The following MED13L variants were observed in gnomAD, a reference collection of about 807,000 sequenced individuals.
MED13L encodes mediator of RNA polymerase II transcription subunit 13-like.
MED13L carries 7 observed loss-of-function variants against 220.9 expected under a neutral mutation model. The ratio of observed to expected loss-of-function variants is 0.03; its 90% confidence interval spans 0.02 to 0.06. MED13L has a LOEUF of 0.06. Ranked by LOEUF, MED13L falls within the 10% of genes least tolerant of loss-of-function variation. The pLI is 1.00. For missense variants in MED13L, 1,965 were observed against 2,760.5 expected (o/e 0.71, Z 6.46); for synonymous variants, 1,011 against 1,015.2 (o/e 1.00, Z 0.08).
At chr12:116,106,534 G>A (rs1004967148) in intron 3 of MED13L, among the ~76,000 whole-genome samples, 3 of 152,104 alleles carry the variant, frequency 2.0e-5, no homozygotes, top group Non-Finnish European at 4.4e-5. Context: ...TTAACCAAAA[G>A]TATATATTCA....
At chr12:116,080,274 T>C (rs1871139946) in intron 4 of MED13L, among the ~76,000 whole-genome samples, 1 of 152,146 alleles carries the variant, frequency 6.6e-6, no homozygotes, top group Non-Finnish European at 1.5e-5. Context: ...ACTTGGACAA[T>C]CAGTGAGACT....
Position 116,008,907 on chromosome 12 carries a change from A to G in MED13L, c.1506T>C (p.Asp502=). 6.2e-7 allele frequency: 1 copy of G among 1,614,134 alleles called. No individual in the cohort carries two copies. The highest frequency in any genetic ancestry group is 8.5e-7 in the Non-Finnish European group (1 of 1,180,020). The part of the protein sequence containing the change: ...SVAEELCMEQ[D]TPGQKLGLAG... ...CCAACCCTAGTTTCTGTCCTGGTGT[A>G]TCTTGCTCCATGCATAATTCTTCGG... The change falls in exon 10 of 31, where the codon GAT becomes GAC. Residue 502 remains aspartate (D), a synonymous_variant. Coordinates refer to ENST00000281928, the MANE Select transcript of MED13L (RefSeq NM_015335.5).
chr12:116,225,839 G>T (rs1393376945), intron 2 of MED13L, among the ~76,000 whole-genome samples: 1 of 152,024 alleles, frequency 6.6e-6, no homozygotes, highest in African/African-American at 2.4e-5. Context: ...GTGTCAGAAA[G>T]TAAGCCTTCA....
At chr12:116,005,611 A>C (rs1878999138) in intron 13 of MED13L, among the ~76,000 whole-genome samples, 1 of 152,218 alleles carries the variant, frequency 6.6e-6, no homozygotes, top group Non-Finnish European at 1.5e-5. Flanking sequence ...GGAATACACT[A>C]ATGAAAAAGA....
At chr12:116,147,472 T>C (rs990992542) in intron 2 of MED13L, among the ~76,000 whole-genome samples, 2 of 152,202 alleles carry the variant, frequency 1.3e-5, no homozygotes, top group Non-Finnish European at 2.9e-5. Flanking sequence ...CAAAACTGTT[T>C]TACTGTTACT....
chr12:115,970,598 G>A lies in MED13L; in HGVS notation c.6063C>T (p.Asn2021=), dbSNP rs752588689. 1.2e-6 allele frequency: 2 copies of A among 1,613,712 alleles called. No individual in the cohort carries two copies. The highest frequency in any genetic ancestry group is 1.1e-5 in the South Asian group (1 of 91,072). The change falls in exon 27 of 31, where the codon AAC becomes AAT. Residue 2021 remains asparagine, a synonymous_variant. Transcript: ENST00000281928. ...NYPNEDGFSP[N]NDDMFVDLPF... Reference sequence around the variant, plus strand: ...CCATACAGGTCTTCTACTCACCATTGTTGGGGCTAAACCCATCTTCATTGG... The same window carrying A: ...CCATACAGGTCTTCTACTCACCATTATTGGGGCTAAACCCATCTTCATTGG...
rs1383072937 is a variant in MED13L, at chr12:116,022,580, G to A, written c.501C>T (p.Phe167=). 14 of 1,612,452 alleles carry A rather than the reference G, an allele frequency of 8.7e-6. No homozygotes were observed. The South Asian group carries it at 1.4e-4, about 16-fold the overall frequency. ...VNKSEHLSCA[F]TFFLHGESNV... ...TACTTTCTCCATGCAGAAAGAATGT[G>A]AAAGCACAGGACAAATGCTCACTAC... is the stretch of plus-strand genomic sequence containing the variant. Residue 167 remains phenylalanine (F), a synonymous_variant, in exon 5 of 31, where the codon TTC becomes TTT. Transcript: ENST00000281928.
At chr12:116,066,963 C>T (rs536977443) in intron 4 of MED13L, among the ~76,000 whole-genome samples, 1 of 152,008 alleles carries the variant, frequency 6.6e-6, no homozygotes, top group East Asian at 1.9e-4. Flanking sequence ...AAGAAATGTA[C>T]AACCAACCAC....
intron 2 of MED13L, among the ~76,000 whole-genome samples, chr12:116,149,889 T>C (rs546970172): frequency 3.9e-5 from 6 of 152,310 alleles, no homozygotes; most frequent in Non-Finnish European, 7.4e-5. Context: ...TAAAATAACA[T>C]ATTTTTAAAG....
rs57622950 is a variant in MED13L at position 116,119,809 on chromosome 12, T to TAAAA, written c.311-8301_311-8298dup. 9.0e-4 allele frequency among the ~76,000 whole-genome samples: 35 copies of TAAAA among 38,784 alleles called. 1 individual carries two copies. Among genetic ancestry groups the TAAAA allele is most frequent in the East Asian group, 1.4e-3 (2 of 1,436 alleles). The allele number at this position is 38,784 out of a possible 152,430, so 25.4% of individuals were successfully genotyped here. On this transcript the variant is annotated intron_variant, in intron 2 of 30. Transcript: ENST00000281928. Reference sequence around the variant, plus strand: ...GCAAGAGAGAAAGACCCCATATCTTTAAAAAAAAAAAAAAAAAAAAAAAAA... The same window carrying TAAAA: ...GCAAGAGAGAAAGACCCCATATCTTTAAAAAAAAAAAAAAAAAAAAAAAAAAAAA...
chr12:116,253,753 GTTTTTTTTT>G (rs746923184), intron 1 of MED13L, among the ~76,000 whole-genome samples: 5 of 76,550 alleles, frequency 6.5e-5, no homozygotes, highest in South Asian at 5.2e-4. Context: ...GGTTTTTTTT[GTTTTTTTTT>G]TTTTTTTTTT....
chr12:116,147,058 T>C (rs1877588007), intron 2 of MED13L, among the ~76,000 whole-genome samples: 1 of 152,114 alleles, frequency 6.6e-6, no homozygotes, highest in Non-Finnish European at 1.5e-5. Flanking sequence ...ATAATAAATA[T>C]AGTCCAGGGC....
chr12:116,098,701 G>A (rs1177136349), intron 3 of MED13L, among the ~76,000 whole-genome samples: 5 of 152,076 alleles, frequency 3.3e-5, no homozygotes, highest in Non-Finnish European at 5.9e-5. Flanking sequence ...TTTCTACTGC[G>A]ATCTTCCATT....
intron 17 of MED13L, 139 bp downstream of exon 17, chr12:115,990,881 C>T (rs1433412950): frequency 3.6e-6 from 3 of 841,128 alleles, no homozygotes; most frequent in Non-Finnish European, 5.7e-6. Context: ...AAAATCAATA[C>T]AGCTCTCACT....
chr12:116,109,061 T>C (rs1044026614), intron 3 of MED13L, among the ~76,000 whole-genome samples: 5 of 36,120 alleles, frequency 1.4e-4, no homozygotes, highest in East Asian at 5.0e-3. Context: ...ATTAATTTCC[T>C]TTTTTTTTTT....
intron 2 of MED13L, among the ~76,000 whole-genome samples, chr12:116,233,274 T>C (rs1869756451): frequency 6.6e-6 from 1 of 152,160 alleles, no homozygotes; most frequent in Non-Finnish European, 1.5e-5. Flanking sequence ...ATCATTAGTA[T>C]TTTTAATTTA....
At chr12:116,170,771 T>C (rs1204188595) in intron 2 of MED13L, among the ~76,000 whole-genome samples, 1 of 152,112 alleles carries the variant, frequency 6.6e-6, no homozygotes, top group African/African-American at 2.4e-5. Flanking sequence ...TGGCTAATTT[T>C]TGTATTTTTA....
intron 1 of MED13L, among the ~76,000 whole-genome samples, chr12:116,256,682 C>CT (rs35608298): frequency 0.53 from 51,317 of 96,250 alleles, 16,286 homozygotes; most frequent in East Asian, 0.9. Flanking sequence ...AAACAAACTA[C>CT]TTTTTTTTTT....
chr12:116,178,897 T>C (rs948013912), intron 2 of MED13L, among the ~76,000 whole-genome samples: 2 of 152,184 alleles, frequency 1.3e-5, no homozygotes, highest in African/African-American at 4.8e-5. Flanking sequence ...ATATAAAGAA[T>C]GTATTAGAGA....
Sources: gnomAD v4.1 joint callset for allele counts (sites outside exome capture counted in the v4.1 genomes callset) on GRCh38, gnomAD v4.1.1 for gene constraint, MANE v1.5 for transcripts, NCBI Gene and HGNC (gene_info 2026-07-23, HGNC 2026-07-21) for gene names.